LRMDA: variants seen among roughly 807,000 people sequenced by gnomAD.
The protein encoded by LRMDA is leucine-rich melanocyte differentiation-associated protein.
In LRMDA, 18 loss-of-function variants were observed where a neutral mutation model predicts 29.8. The ratio of observed to expected loss-of-function variants is 0.60; its 90% CI spans 0.42 to 0.90. LRMDA has a LOEUF of 0.90. Among genes scored for constraint, LRMDA ranks in the 40% least tolerant of loss-of-function variants. LRMDA has a pLI of 0.00. For missense variants in LRMDA, 273 were observed against 273.9 expected, an observed-to-expected ratio of 1.00 and a Z score of 0.02; for synonymous variants, 125 against 109.4, an observed-to-expected ratio of 1.14 and a Z score of -0.89.
At chr10:75,725,738 C>T (rs900665065) in intron 2 of LRMDA, among the ~76,000 whole-genome samples, 1 of 152,254 alleles carries the variant, frequency 6.6e-6, no homozygotes, top group East Asian at 1.9e-4. Context: ...AGTCTAAATT[C>T]AAGCCATAAG....
At chr10:75,561,199 C>A (rs1840289545) in intron 2 of LRMDA, among the ~76,000 whole-genome samples, 1 of 151,560 alleles carries the variant, frequency 6.6e-6, no homozygotes, top group African/African-American at 2.4e-5. Flanking sequence ...TTGATTATTG[C>A]CTCAATTTCA....
intron 6 of LRMDA, among the ~76,000 whole-genome samples, chr10:76,352,628 A>G (rs1589147921): frequency 6.6e-6 from 1 of 152,180 alleles, no homozygotes; most frequent in Non-Finnish European, 1.5e-5. Flanking sequence ...CAATATTTTC[A>G]GACTCTAGTT....
intron 2 of LRMDA, among the ~76,000 whole-genome samples, chr10:75,515,243 A>G (rs1384497400): frequency 6.6e-6 from 1 of 152,218 alleles, no homozygotes; most frequent in Non-Finnish European, 1.5e-5. Context: ...GTAGGGAATG[A>G]ATGGTAGTGG....
intron 2 of LRMDA, among the ~76,000 whole-genome samples, chr10:75,811,253 C>T (rs1286440460): frequency 6.6e-6 from 1 of 152,168 alleles, no homozygotes; most frequent in East Asian, 1.9e-4. Context: ...TCTCATCACA[C>T]TTTCCTCTCC....
chr10:76,254,424 C>T (rs929060426), intron 5 of LRMDA, among the ~76,000 whole-genome samples: 2 of 151,884 alleles, frequency 1.3e-5, no homozygotes, highest in East Asian at 3.9e-4. Flanking sequence ...CTATACTATA[C>T]TATACTGAAA....
chr10:75,705,810 C>A (rs1842359269), intron 2 of LRMDA, among the ~76,000 whole-genome samples: 1 of 152,172 alleles, frequency 6.6e-6, no homozygotes, highest in Non-Finnish European at 1.5e-5. Flanking sequence ...CCTGGGAAAC[C>A]CTGGTGGCTA....
chr10:75,916,195 TGG>T (rs745465240), intron 2 of LRMDA, among the ~76,000 whole-genome samples: 4 of 138,836 alleles, frequency 2.9e-5, no homozygotes, highest in Non-Finnish European at 4.8e-5. Flanking sequence ...TGTGTGTGTG[TGG>T]GTGGGTGTGC....
intron 2 of LRMDA, among the ~76,000 whole-genome samples, chr10:75,443,396 T>C (rs1349902824): frequency 6.6e-6 from 1 of 152,038 alleles, no homozygotes; most frequent in East Asian, 1.9e-4. Flanking sequence ...TTGTTGAGAG[T>C]TTTTATTATG....
chr10:75,581,931 A>G (rs989392650), intron 2 of LRMDA, among the ~76,000 whole-genome samples: 2 of 152,174 alleles, frequency 1.3e-5, no homozygotes, highest in Admixed American at 6.5e-5. Context: ...ATTTATATAT[A>G]TTAAAAAATA....
intron 6 of LRMDA, among the ~76,000 whole-genome samples, chr10:76,335,763 G>A (rs946476942): frequency 1.3e-5 from 2 of 152,162 alleles, no homozygotes; most frequent in African/African-American, 4.8e-5. Context: ...TGATATAAGA[G>A]GTTGTAGAAA....
chr10:76,535,120 C>T (rs548626312), intron 6 of LRMDA, among the ~76,000 whole-genome samples: 7 of 152,282 alleles, frequency 4.6e-5, no homozygotes, highest in South Asian at 2.1e-4. Flanking sequence ...CCCAGCACAT[C>T]GTAGACTCTC....
intron 2 of LRMDA, among the ~76,000 whole-genome samples, chr10:76,020,027 A>G (rs1847946346): frequency 6.6e-6 from 1 of 152,146 alleles, no homozygotes; most frequent in Non-Finnish European, 1.5e-5. Context: ...GAGCCCAGAT[A>G]AGGGAGGGCT....
chr10:76,237,551 GC>G (rs1852175175), intron 5 of LRMDA, among the ~76,000 whole-genome samples: 1 of 152,078 alleles, frequency 6.6e-6, no homozygotes, highest in Non-Finnish European at 1.5e-5. Flanking sequence ...GACTTTGGTG[GC>G]TTTTGCTGAC....
chr10:75,926,674 C>T (rs1357183174), intron 2 of LRMDA, among the ~76,000 whole-genome samples: 1 of 152,222 alleles, frequency 6.6e-6, no homozygotes, highest in Non-Finnish European at 1.5e-5. Flanking sequence ...GCCTGCAGGG[C>T]ACGTCTTGTG....
At chr10:75,585,150 G>T (rs1282355716) in intron 2 of LRMDA, among the ~76,000 whole-genome samples, 7 of 152,162 alleles carry the variant, frequency 4.6e-5, no homozygotes, top group African/African-American at 1.2e-4. Context: ...GTCACCGCTT[G>T]TACCCTTTCT....
chr10:75,961,941 G>T (rs1846774754), intron 2 of LRMDA, among the ~76,000 whole-genome samples: 1 of 152,038 alleles, frequency 6.6e-6, no homozygotes, highest in African/African-American at 2.4e-5. Context: ...GGCATTCCTT[G>T]GCTTGGAGAA....
At chr10:76,534,515 G>A (rs994945164) in intron 6 of LRMDA, among the ~76,000 whole-genome samples, 1 of 152,166 alleles carries the variant, frequency 6.6e-6, no homozygotes, top group African/African-American at 2.4e-5. Flanking sequence ...GGAGGAAATT[G>A]CCTGTATTGG....
chr10:76,493,784 G>C (rs904740297), intron 6 of LRMDA, among the ~76,000 whole-genome samples: 2 of 152,016 alleles, frequency 1.3e-5, no homozygotes, highest in African/African-American at 4.8e-5. Flanking sequence ...AATCCTGCTA[G>C]AATTTTGATT....
intron 6 of LRMDA, among the ~76,000 whole-genome samples, chr10:76,451,816 C>G (rs1229771516): frequency 6.6e-6 from 1 of 151,958 alleles, no homozygotes. Context: ...TGCCACCACA[C>G]CCAGCAAATT....
Sources: allele counts gnomAD v4.1 joint callset (sites outside exome capture counted in the v4.1 genomes callset), GRCh38; gene constraint gnomAD v4.1.1; transcripts MANE v1.5; gene names NCBI Gene and HGNC (gene_info 2026-07-23, HGNC 2026-07-21).